UNC13A: variants seen among roughly 807,000 people sequenced by gnomAD.
The protein encoded by UNC13A is protein unc-13 homolog A.
In UNC13A, 61 loss-of-function variants were observed where a neutral mutation model predicts 219.7. The ratio of observed to expected loss-of-function variants is 0.28; its 90% CI spans 0.23 to 0.34. The LOEUF is 0.34. Ranked by LOEUF, UNC13A falls within the 10% of genes least tolerant of loss-of-function variation. UNC13A has a pLI of 1.00. For synonymous variants in UNC13A, 920 were observed against 884.6 expected (o/e 1.04, Z -0.71); for missense variants, 1,476 against 2,270.3 (o/e 0.65, Z 7.11).
intron 1 of UNC13A, among the ~76,000 whole-genome samples, chr19:17,685,432 A>G (rs1200465439): frequency 1.3e-5 from 2 of 152,110 alleles, no homozygotes; most frequent in Admixed American, 1.3e-4. Flanking sequence ...ACCTCAAGTG[A>G]TCTGCCCACC....
chr19:17,672,966 C>T (rs746993865), intron 3 of UNC13A, among the ~76,000 whole-genome samples: 19 of 152,126 alleles, frequency 1.2e-4, no homozygotes, highest in Non-Finnish European at 2.2e-4. Flanking sequence ...CTGCAGGCCT[C>T]GCCCTAGACA....
chr19:17,657,939 C>T (rs1224961102), intron 9 of UNC13A, 123 bp downstream of exon 9: 2 of 987,000 alleles, frequency 2.0e-6, no homozygotes, highest in South Asian at 1.5e-5. Context: ...ATTCTGCCCT[C>T]CTGGATGGGT....
intron 1 of UNC13A, among the ~76,000 whole-genome samples, chr19:17,677,980 GC>G (rs2079931453): frequency 6.6e-6 from 1 of 152,124 alleles, no homozygotes; most frequent in Non-Finnish European, 1.5e-5. Context: ...GTCTTGAAGA[GC>G]GTGTACTAGC....
chr19:17,653,560 G>A (rs1422323896), intron 11 of UNC13A, among the ~76,000 whole-genome samples: 5 of 152,022 alleles, frequency 3.3e-5, no homozygotes, highest in Admixed American at 2.0e-4. Flanking sequence ...TGTTGGCCAG[G>A]CTGGTCTCGA....
chr19:17,624,561 C>T (rs2076762588), intron 35 of UNC13A, among the ~76,000 whole-genome samples: 1 of 152,162 alleles, frequency 6.6e-6, no homozygotes, highest in Non-Finnish European at 1.5e-5. Flanking sequence ...TACCTGATGT[C>T]TTTGACCCCA....
At chr19:17,639,409 A>G (rs2076944158) in intron 24 of UNC13A, 27 bp downstream of exon 24, 1 of 1,603,920 alleles carries the variant, frequency 6.2e-7, no homozygotes, top group South Asian at 1.1e-5. Flanking sequence ...CTCCTTGGAG[A>G]GCAAAGGCAA....
At chr19:17,626,844 G>A in intron 33 of UNC13A, 59 bp from the exon 34 acceptor site, 1 of 1,549,796 alleles carries the variant, frequency 6.5e-7, no homozygotes, top group Non-Finnish European at 8.7e-7. Context: ...GGACACAGAT[G>A]CTGATCTGTG....
At chr19:17,648,342 AT>A in intron 16 of UNC13A, 88 bp downstream of exon 16, 1 of 235,288 alleles carries the variant, frequency 4.3e-6, no homozygotes, top group Non-Finnish European at 5.2e-6. Context: ...TGCCCCACCC[AT>A]CGCCTTGCCC....
At chr19:17,612,021 A>G in intron 41 of UNC13A, 166 bp from the exon 42 acceptor site, 3 of 568,130 alleles carry the variant, frequency 5.3e-6, no homozygotes, top group South Asian at 5.2e-5. Context: ...TGGGAAGCCA[A>G]GAATCCTGGG....
At chr19:17,620,642 G>A in intron 38 of UNC13A, 51 bp downstream of exon 38, 2 of 1,566,682 alleles carry the variant, frequency 1.3e-6, no homozygotes, top group South Asian at 2.3e-5. Flanking sequence ...CAGGGGTGGG[G>A]TGGGGGGGAG....
intron 8 of UNC13A, among the ~76,000 whole-genome samples, chr19:17,659,195 C>A (rs1186805448): frequency 2.0e-5 from 3 of 152,200 alleles, no homozygotes; most frequent in Non-Finnish European, 4.4e-5. Flanking sequence ...GTAATCCCAG[C>A]ACTTTGGGAG....
At chr19:17,651,314 C>A (rs890170837) in intron 12 of UNC13A, among the ~76,000 whole-genome samples, 16 of 152,000 alleles carry the variant, frequency 1.1e-4, no homozygotes, top group Admixed American at 9.2e-4. Context: ...GTCTTGAACT[C>A]CTAGCCTCAA....
rs567416844 is a variant in UNC13A, at chr19:17,630,196, G to A, written c.3618C>T (p.Leu1206=). 3.7e-5 allele frequency: 57 copies of A among 1,552,386 alleles called. No individual in the cohort carries two copies. The South Asian group carries it at 5.1e-4, about 14-fold the overall frequency. Reference sequence around the variant, plus strand: ...CCACGATCTGAGGGTCGGGACACTCGAGTTTCTTGATGATTTCAAAGCTCT... The same window carrying A: ...CCACGATCTGAGGGTCGGGACACTCAAGTTTCTTGATGATTTCAAAGCTCT... ...LNQSFEIIKK[L]ECPDPQIVGH... Residue 1206 remains leucine (L), a synonymous_variant, in exon 30 of 44, where the codon CTC becomes CTT. Transcript: ENST00000519716.
At chr19:17,671,638 G>C (rs964733632) in intron 4 of UNC13A, among the ~76,000 whole-genome samples, 5 of 152,104 alleles carry the variant, frequency 3.3e-5, no homozygotes, top group African/African-American at 4.8e-5. Flanking sequence ...GGGGGGCCTG[G>C]TGGCATGCAC....
At chr19:17,618,998 G>A (rs758281256) in intron 38 of UNC13A, 36 bp from the exon 39 acceptor site, 2 of 1,605,094 alleles carry the variant, frequency 1.2e-6, no homozygotes, top group South Asian at 2.2e-5. Context: ...TGAGGGCAGG[G>A]GTGCTACAGC....
rs1385157456 is a variant in UNC13A at position 17,649,415 on chromosome 19, C to G, written c.1519-71G>C. Reference sequence around the variant, plus strand: ...AGTCTCAGAGAATGCCTAGCTGGCCCCCAACCCCAGGTTGACCATGGGCAG... The same window carrying G: ...AGTCTCAGAGAATGCCTAGCTGGCCGCCAACCCCAGGTTGACCATGGGCAG... On this transcript the variant is annotated intron_variant, in intron 13 of 43. Transcript: ENST00000519716. This position sits in a 1 kb window ranked among gnomAD's most constrained non-coding sequence, Gnocchi z 4.4. The G allele has an allele frequency of 3.1e-6, 5 of 1,613,484 alleles. No homozygotes were observed. In the East Asian group the frequency reaches 1.1e-4, roughly 36 times the overall value.
chr19:17,663,468 G>A, intron 8 of UNC13A, 64 bp downstream of exon 8: 3 of 1,578,230 alleles, frequency 1.9e-6, no homozygotes, highest in African/African-American at 2.7e-5. Context: ...GAGGGGCCTT[G>A]GGATCACCAA....
intron 4 of UNC13A, 93 bp from the exon 5 acceptor site, chr19:17,669,769 CT>C (rs1002003180): frequency 2.1e-6 from 3 of 1,430,658 alleles, no homozygotes; most frequent in African/African-American, 2.8e-5. Context: ...CCCCTCACCC[CT>C]ACCCCAAAAC....
intron 41 of UNC13A, among the ~76,000 whole-genome samples, chr19:17,615,054 A>C (rs1476456059): frequency 1.3e-5 from 2 of 151,122 alleles, no homozygotes; most frequent in African/African-American, 4.9e-5. Flanking sequence ...TTCCAACCCC[A>C]CTCCCCACTC....
Sources: allele counts gnomAD v4.1 joint callset (sites outside exome capture counted in the v4.1 genomes callset), GRCh38; gene constraint gnomAD v4.1.1; non-coding constraint Gnocchi (gnomAD v3.1); transcripts MANE v1.5; gene names NCBI Gene and HGNC (gene_info 2026-07-23, HGNC 2026-07-21).